The following MYLK variants were observed in gnomAD, a reference collection of about 807,000 sequenced individuals.
The protein encoded by MYLK is myosin light chain kinase.
A neutral mutation model predicts 203.4 loss-of-function variants in MYLK; 106 were observed. The observed-to-expected ratio is 0.52, with a 90% confidence interval of 0.45 to 0.61. The LOEUF is 0.61. MYLK is among the 20% of genes least tolerant of loss of function. MYLK has a pLI of 0.00. For synonymous variants in MYLK, 867 were observed against 959.5 expected (o/e 0.90, Z 1.78); for missense variants, 2,072 against 2,442.3 (o/e 0.85, Z 3.20).
chr3:123,708,148 A>G, intron 15 of MYLK, 145 bp from the exon 16 acceptor site: 1 of 1,140,648 alleles, frequency 8.8e-7, no homozygotes, highest in Non-Finnish European at 1.3e-6. Flanking sequence ...TGGATACACA[A>G]ATGCAGCACA....
chr3:123,722,365 C>T, intron 12 of MYLK, 85 bp from the exon 13 acceptor site: 2 of 1,241,352 alleles, frequency 1.6e-6, no homozygotes. Context: ...CTGCTGCTGT[C>T]ATGACGCTGA....
rs144724456 is a variant in MYLK, at chr3:123,832,969, C to A, written c.-126-1299G>T. On this transcript the variant is annotated intron_variant, in intron 2 of 33. Transcript: ENST00000360304. ...CAAAGGAGAGAGAGAGGGTGGAAAC[C>A]CTGAGTTTAGGGTTGTGGCTTCCCC... Among the ~76,000 whole-genome samples, 458 of 152,116 alleles carry A rather than the reference C, an allele frequency of 3.0e-3. 2 individuals carry two copies. Among genetic ancestry groups the A allele is most frequent in the African/African-American group, 0.01 (421 of 41,474 alleles).
Position 123,640,509 on chromosome 3 carries a change from G to A in MYLK, c.4620-5C>T, listed in dbSNP as rs760680632. Reference sequence around the variant, plus strand: ...AACAGCTCCCCTCCTGACACGCTGCGGGAACACGTGCACGGGGTGGTCAGG... The same window carrying A: ...AACAGCTCCCCTCCTGACACGCTGCAGGAACACGTGCACGGGGTGGTCAGG... On this transcript the variant is annotated splice_region_variant and splice_polypyrimidine_tract_variant and intron_variant, in intron 27 of 33. Coordinates refer to ENST00000360304, the MANE Select transcript of MYLK (RefSeq NM_053025.4). The surrounding 1 kb of genome is among the most constrained non-coding windows in gnomAD (Gnocchi z 4.3). 1.2e-5 allele frequency: 19 copies of A among 1,613,666 alleles called. No individual in the cohort carries two copies. Among genetic ancestry groups the A allele is most frequent in the Middle Eastern group, 3.5e-4 (2 of 5,780 alleles).
At chr3:123,730,442 C>A (rs142440769) in intron 11 of MYLK, among the ~76,000 whole-genome samples, 1 of 152,328 alleles carries the variant, frequency 6.6e-6, no homozygotes, top group East Asian at 1.9e-4. Flanking sequence ...GAAAACAACT[C>A]ATACATAAAT....
At chr3:123,739,097 C>G (rs369187677) in intron 6 of MYLK, 35 bp from the exon 7 acceptor site, 1 of 1,610,028 alleles carries the variant, frequency 6.2e-7, no homozygotes, top group African/African-American at 1.3e-5. Flanking sequence ...CAGTCCCAGA[C>G]AAGGCAGCAA....
intron 11 of MYLK, among the ~76,000 whole-genome samples, chr3:123,730,230 A>T (rs557873981): frequency 3.2e-4 from 48 of 152,280 alleles, no homozygotes; most frequent in African/African-American, 8.7e-4. Flanking sequence ...CTCATTTTTT[A>T]AAAAAAGCAA....
At chr3:123,738,866 G>A (rs1303410030) in intron 7 of MYLK, 31 bp downstream of exon 7, 2 of 1,595,134 alleles carry the variant, frequency 1.3e-6, no homozygotes, top group Middle Eastern at 3.3e-4. Flanking sequence ...AATACAGGCT[G>A]GATCAGGGTC....
intron 13 of MYLK, among the ~76,000 whole-genome samples, chr3:123,711,754 C>T (rs2061703725): frequency 6.6e-6 from 1 of 152,172 alleles, no homozygotes; most frequent in African/African-American, 2.4e-5. Context: ...AACTTAAACC[C>T]TAAGTTTCTG....
intron 3 of MYLK, among the ~76,000 whole-genome samples, chr3:123,797,070 A>G (rs1453952173): frequency 6.6e-6 from 1 of 152,226 alleles, no homozygotes; most frequent in African/African-American, 2.4e-5. Context: ...ATGGGTACAT[A>G]TTTACAGGGA....
intron 2 of MYLK, among the ~76,000 whole-genome samples, chr3:123,832,531 C>G (rs1384343585): frequency 6.6e-6 from 1 of 152,174 alleles, no homozygotes; most frequent in East Asian, 1.9e-4. Flanking sequence ...TTTCTGTTCC[C>G]TCCCAAAATT....
intron 13 of MYLK, among the ~76,000 whole-genome samples, chr3:123,711,580 AG>A (rs2061696376): frequency 6.6e-6 from 1 of 152,202 alleles, no homozygotes; most frequent in African/African-American, 2.4e-5. Context: ...CACGTCTCAC[AG>A]GGAACAATCC....
chr3:123,623,562 G>A (rs2057986045), intron 31 of MYLK: 1 of 152,016 alleles, frequency 6.6e-6, no homozygotes, highest in South Asian at 2.1e-4. Flanking sequence ...ATTCCTTCTA[G>A]GGCTTTTTAT....
chr3:123,713,903 T>C (rs1037735888), intron 13 of MYLK, among the ~76,000 whole-genome samples: 1 of 152,172 alleles, frequency 6.6e-6, no homozygotes, highest in Admixed American at 6.5e-5. Context: ...TGCAGGGTTT[T>C]AGATGATTAG....
chr3:123,801,483 T>C (rs2065193676), intron 3 of MYLK, among the ~76,000 whole-genome samples: 1 of 152,230 alleles, frequency 6.6e-6, no homozygotes. Context: ...CAAAGGTAGA[T>C]TACATGATAC....
intron 29 of MYLK, among the ~76,000 whole-genome samples, chr3:123,633,125 T>C: frequency 6.6e-6 from 1 of 151,228 alleles, no homozygotes; most frequent in East Asian, 2.0e-4. Context: ...TCATTATTAT[T>C]ATTTCTTTTT....
chr3:123,870,186 A>T (rs768299237), intron 2 of MYLK, among the ~76,000 whole-genome samples: 4 of 152,220 alleles, frequency 2.6e-5, no homozygotes, highest in Non-Finnish European at 5.9e-5. Context: ...TGCCAACCAC[A>T]TCCCCCAGAA....
intron 2 of MYLK, among the ~76,000 whole-genome samples, chr3:123,845,350 G>A (rs1365787965): frequency 2.0e-5 from 3 of 152,156 alleles, no homozygotes; most frequent in African/African-American, 4.8e-5. Context: ...AGACATGCAG[G>A]ACACAAAGAC....
At chr3:123,689,436 C>T (rs1051524618) in intron 19 of MYLK, among the ~76,000 whole-genome samples, 14 of 152,042 alleles carry the variant, frequency 9.2e-5, no homozygotes, top group Admixed American at 2.0e-4. Context: ...ATTCACTGCC[C>T]GGGGAGGCTG....
At chr3:123,672,389 C>T (rs2059943916) in intron 20 of MYLK, among the ~76,000 whole-genome samples, 1 of 152,108 alleles carries the variant, frequency 6.6e-6, no homozygotes, top group Admixed American at 6.5e-5. Context: ...GCCTCCAGAG[C>T]TGTGAGAATC....
Sources: gnomAD v4.1 joint callset for allele counts (sites outside exome capture counted in the v4.1 genomes callset) on GRCh38, gnomAD v4.1.1 for gene constraint, Gnocchi (gnomAD v3.1) non-coding constraint, MANE v1.5 for transcripts, NCBI Gene and HGNC (gene_info 2026-07-23, HGNC 2026-07-21) for gene names.